Variants in DNAAF4 observed in about 807,000 individuals in gnomAD.
DNAAF4 encodes the protein dynein assembly factor 4, axonemal.
In DNAAF4, 43 loss-of-function variants were observed where a neutral mutation model predicts 51.8. The ratio of observed to expected loss-of-function variants is 0.83; its 90% CI spans 0.65 to 1.07. The LOEUF (loss-of-function observed/expected upper bound fraction) is 1.07, where lower values mean the gene tolerates loss of function less well. Among genes scored for constraint, DNAAF4 ranks in the 50% least tolerant of loss-of-function variants. The pLI, the probability that DNAAF4 is intolerant of heterozygous loss-of-function variation, is 0.00. For missense variants in DNAAF4, 581 were observed against 493.0 expected (o/e 1.18, Z -1.69); for synonymous variants, 194 against 165.6 (o/e 1.17, Z -1.32).
At chr15:55,470,699 C>G (rs117181716) in intron 4 of DNAAF4, among the ~76,000 whole-genome samples, 7,575 of 140,800 alleles carry the variant, frequency 0.054, 271 homozygotes, top group East Asian at 0.17. Context: ...GCCACCAAGC[C>G]TGACTAATTT....
intron 5 of DNAAF4, among the ~76,000 whole-genome samples, chr15:55,465,411 C>CACAG (rs1555417704): frequency 6.6e-6 from 1 of 151,732 alleles, no homozygotes; most frequent in Non-Finnish European, 1.5e-5. Flanking sequence ...CACACACACA[C>CACAG]ACACACACAC....
intron 1 of DNAAF4, among the ~76,000 whole-genome samples, chr15:55,499,475 A>G (rs2141607547): frequency 6.6e-6 from 1 of 152,282 alleles, no homozygotes; most frequent in African/African-American, 2.4e-5. Context: ...TTTGTTTTAC[A>G]CCTAAGGCTT....
At chr15:55,465,246 C>T (rs553932659) in intron 5 of DNAAF4, among the ~76,000 whole-genome samples, 1 of 152,224 alleles carries the variant, frequency 6.6e-6, no homozygotes, top group East Asian at 1.9e-4. Context: ...CCAGCAATCC[C>T]CCTACTGGGT....
At chr15:55,418,426 GT>G in intron 7 of DNAAF4, 1 of 1,526,554 alleles carries the variant, frequency 6.6e-7, no homozygotes, top group African/African-American at 1.4e-5. Context: ...CTATTCCACA[GT>G]TTTTCCCCTG....
At chr15:55,417,974 A>C in exon 8 of DNAAF4, 1 of 657,910 alleles carries the variant, frequency 1.5e-6, no homozygotes, top group Non-Finnish European at 2.5e-6. Context: ...TTCACAAGGT[A>C]ATGTCATCAG....
At chr15:55,422,979 A>G (rs1169208814) in intron 7 of DNAAF4, among the ~76,000 whole-genome samples, 1 of 151,934 alleles carries the variant, frequency 6.6e-6, no homozygotes, top group Non-Finnish European at 1.5e-5. Context: ...CCTGGGTGAC[A>G]AGCAAAACTC....
chr15:55,454,858 G>T (rs2057993235), intron 5 of DNAAF4, among the ~76,000 whole-genome samples: 1 of 150,524 alleles, frequency 6.6e-6, no homozygotes, highest in Non-Finnish European at 1.5e-5. Context: ...AAAACAACCA[G>T]AAACAAAGGA....
chr15:55,444,564 G>C (rs897004114), intron 6 of DNAAF4, among the ~76,000 whole-genome samples: 2 of 151,540 alleles, frequency 1.3e-5, no homozygotes, highest in Non-Finnish European at 3.0e-5. Context: ...AAAGTAGTTT[G>C]TTTTCCAATT....
In DNAAF4 at chr15:55,467,106, T is replaced by A. The variant is rs1475632385; in HGVS notation, c.461A>T (p.Lys154Ile). The A allele has an allele frequency of 6.5e-7, 1 of 1,546,110 alleles. No homozygotes were observed. Among genetic ancestry groups the A allele is most frequent in the Non-Finnish European group, 8.7e-7 (1 of 1,148,796 alleles). ...IEDMKENERI[K>I]ATKALEAWKE... ...CCAGGCTTCCAATGCTTTAGTGGCT[T>A]TTATCCGTTCATTTTCTTTCATATC... The change falls in exon 5 of 10, where the codon AAA becomes ATA. Residue 154 changes from lysine (K) to isoleucine (I), a missense_variant. Lys to Ile is a moderately radical substitution (Grantham distance 102). Transcript: ENST00000321149.
intron 4 of DNAAF4, among the ~76,000 whole-genome samples, chr15:55,486,500 G>A (rs538743230): frequency 2.0e-5 from 3 of 152,102 alleles, no homozygotes; most frequent in East Asian, 3.9e-4. Flanking sequence ...AGATGACCCT[G>A]CTTCTTTACC....
intron 7 of DNAAF4, chr15:55,418,608 C>A: frequency 5.5e-6 from 7 of 1,280,068 alleles, no homozygotes; most frequent in South Asian, 3.2e-5. Context: ...AAAATATACT[C>A]GGGAAAAATG....
Position 55,430,324 on chromosome 15 carries a change from T to C in DNAAF4, c.*346A>G. Reference sequence around the variant, plus strand: ...AAACAAAAGTTATTTATAAATCTTTTATTTTAAAATTCTACCTTGTTAAAA... The same window carrying C: ...AAACAAAAGTTATTTATAAATCTTTCATTTTAAAATTCTACCTTGTTAAAA... On this transcript the variant is annotated 3_prime_UTR_variant, in exon 10 of 10. Coordinates refer to ENST00000321149, the MANE Select transcript of DNAAF4 (RefSeq NM_130810.4). 1.1e-6 allele frequency: 1 copy of C among 888,694 alleles called. No individual in the cohort carries two copies. Among genetic ancestry groups the C allele is most frequent in the Non-Finnish European group, 1.3e-6 (1 of 741,408 alleles). 55.1% of individuals were successfully genotyped at this position (888,694 alleles called of 1,614,324 possible).
At chr15:55,483,961 G>GA (rs1346386263) in intron 4 of DNAAF4, among the ~76,000 whole-genome samples, 3 of 143,238 alleles carry the variant, frequency 2.1e-5, no homozygotes, top group Non-Finnish European at 4.5e-5. Flanking sequence ...AAAGATTTAG[G>GA]AAAAAAGGGA....
intron 7 of DNAAF4, among the ~76,000 whole-genome samples, chr15:55,436,798 C>A (rs991567441): frequency 1.3e-5 from 2 of 152,094 alleles, no homozygotes; most frequent in Non-Finnish European, 2.9e-5. Flanking sequence ...GGATTACAGG[C>A]GTGAGCCACT....
In DNAAF4 at chr15:55,473,283, GTGTATATATA is replaced by G. The variant is rs1189991062; in HGVS notation, c.406-6132_406-6123del. On this transcript the variant is annotated intron_variant, in intron 4 of 9. Coordinates refer to ENST00000321149, the MANE Select transcript of DNAAF4 (RefSeq NM_130810.4). Reference sequence around the variant, plus strand: ...TATGTGTATATATGTGTATATATATGTGTATATATATGTGTATATATATGTGTGTATATAT... The same window carrying G: ...TATGTGTATATATGTGTATATATATGTGTGTATATATATGTGTGTATATAT... Among the ~76,000 whole-genome samples, 141 of 133,394 alleles carry G rather than the reference GTGTATATATA, an allele frequency of 1.1e-3. 3 individuals are homozygous for G. Among genetic ancestry groups the G allele is most frequent in the African/African-American group, 3.6e-3 (131 of 36,004 alleles). The allele number at this position is 133,394 out of a possible 152,430, so 87.5% of individuals were successfully genotyped here. A position where few individuals can be genotyped will look rare whatever the true frequency, so the allele number is the denominator to read the frequency against.
At chr15:55,425,144 C>A (rs949330442) in intron 7 of DNAAF4, among the ~76,000 whole-genome samples, 1 of 152,210 alleles carries the variant, frequency 6.6e-6, no homozygotes, top group African/African-American at 2.4e-5. Flanking sequence ...GGATTACAGG[C>A]GTGAGCCATC....
At chr15:55,503,869 C>A (rs986044109) in intron 1 of DNAAF4, among the ~76,000 whole-genome samples, 2 of 152,152 alleles carry the variant, frequency 1.3e-5, no homozygotes, top group African/African-American at 4.8e-5. Context: ...CGGCACAAGA[C>A]AAGGATGCCC....
At chr15:55,482,578 C>T (rs777588387) in intron 4 of DNAAF4, among the ~76,000 whole-genome samples, 2 of 152,248 alleles carry the variant, frequency 1.3e-5, no homozygotes, top group South Asian at 2.1e-4. Context: ...ACTCAGGAGG[C>T]TGAGGCAGGA....
intron 4 of DNAAF4, among the ~76,000 whole-genome samples, chr15:55,483,833 CTTTTTTT>C (rs71105887): frequency 0.034 from 2,818 of 82,526 alleles, 303 homozygotes; most frequent in African/African-American, 0.13. Flanking sequence ...GCCAATAAAG[CTTTTTTT>C]TTTTTTTTTT....
Sources: allele counts gnomAD v4.1 joint callset (sites outside exome capture counted in the v4.1 genomes callset), GRCh38; gene constraint gnomAD v4.1.1; transcripts MANE v1.5; gene names NCBI Gene and HGNC (gene_info 2026-07-23, HGNC 2026-07-21).